Variants in R3HCC1L observed in about 807,000 individuals in gnomAD.
R3HCC1L encodes R3H domain and coiled-coil containing 1 like, also known as coiled-coil domain-containing protein R3HCC1L.
Under a neutral mutation model 59.9 loss-of-function variants are expected in R3HCC1L, and 51 were observed. The observed-to-expected ratio is 0.85, with a 90% CI of 0.68 to 1.07. The LOEUF (loss-of-function observed/expected upper bound fraction) is 1.07. R3HCC1L is among the 50% of genes least tolerant of loss of function. R3HCC1L has a pLI of 0.00. For missense variants in R3HCC1L, 965 were observed against 933.0 expected, an observed-to-expected ratio of 1.03 and a Z score of -0.45; for synonymous variants, 322 against 315.2, an observed-to-expected ratio of 1.02 and a Z score of -0.23.
chr10:98,150,804 T>TC (rs1292023796), intron 1 of R3HCC1L, among the ~76,000 whole-genome samples: 1 of 152,086 alleles, frequency 6.6e-6, no homozygotes, highest in Non-Finnish European at 1.5e-5. Flanking sequence ...GGAACAGTAG[T>TC]CCCCCCTCCC....
chr10:98,213,075 A>G (rs371389075), intron 5 of R3HCC1L, among the ~76,000 whole-genome samples: 9 of 152,248 alleles, frequency 5.9e-5, no homozygotes, highest in Admixed American at 2.6e-4. Flanking sequence ...TTTTGCAAAA[A>G]TGGTGTCCAT....
intron 9 of R3HCC1L, among the ~76,000 whole-genome samples, chr10:98,240,957 G>T (rs1278011150): frequency 6.6e-6 from 1 of 152,094 alleles, no homozygotes; most frequent in African/African-American, 2.4e-5. Context: ...ACCAGCTGTT[G>T]CTAAAATAAA....
chr10:98,159,827 C>T (rs1847227826), intron 2 of R3HCC1L, among the ~76,000 whole-genome samples: 1 of 152,180 alleles, frequency 6.6e-6, no homozygotes, highest in African/African-American at 2.4e-5. Flanking sequence ...GCCCTGGTTC[C>T]TTTTAATAAT....
chr10:98,227,073 G>A (rs914648522), intron 5 of R3HCC1L, among the ~76,000 whole-genome samples: 2 of 152,190 alleles, frequency 1.3e-5, no homozygotes, highest in African/African-American at 4.8e-5. Context: ...ATCCTAAGCA[G>A]AGTGGAACTA....
Position 98,163,361 on chromosome 10 carries a change from G to A in R3HCC1L, c.-51G>A, listed in dbSNP as rs1847631929. 7.5e-7 allele frequency: 1 copy of A among 1,333,462 alleles called. No homozygotes were observed. The highest frequency in any genetic ancestry group is 1.5e-5 in the African/African-American group (1 of 67,442). The allele number at this position is 1,333,462 out of a possible 1,614,324, so 82.6% of individuals were successfully genotyped here. A position where few individuals can be genotyped will look rare whatever the true frequency, so the allele number is the denominator to read the frequency against. Reference sequence around the variant, plus strand: ...AGAGACAGTCTATCGGCATGTTGTAGAGTTTTATTACTAAGAAAATAAATG... The same window carrying A: ...AGAGACAGTCTATCGGCATGTTGTAAAGTTTTATTACTAAGAAAATAAATG... On this transcript the variant is annotated 5_prime_UTR_variant, in exon 4 of 10. The change abolishes the stop of an existing upstream ORF in the 5' untranslated region. Coordinates refer to ENST00000298999, the MANE Select transcript of R3HCC1L (RefSeq NM_001351015.2).
chr10:98,230,980 T>G, intron 5 of R3HCC1L: 2 of 398,422 alleles, frequency 5.0e-6, no homozygotes, highest in African/African-American at 4.2e-5. Context: ...ACCACTTAAT[T>G]TGTCTTAACA....
At chr10:98,148,361 A>G (rs1845855113) in intron 1 of R3HCC1L, among the ~76,000 whole-genome samples, 1 of 152,202 alleles carries the variant, frequency 6.6e-6, no homozygotes, top group Non-Finnish European at 1.5e-5. Context: ...CTCCTTTCCA[A>G]TTTGGTGCCC....
chr10:98,164,022 C>G (rs2134220781), intron 4 of R3HCC1L, among the ~76,000 whole-genome samples: 1 of 152,108 alleles, frequency 6.6e-6, no homozygotes, highest in Non-Finnish European at 1.5e-5. Context: ...TAATGATGAT[C>G]TTTTGAGTAT....
intron 9 of R3HCC1L, among the ~76,000 whole-genome samples, chr10:98,239,103 C>A (rs1477520252): frequency 1.3e-5 from 2 of 152,166 alleles, no homozygotes; most frequent in African/African-American, 2.4e-5. Flanking sequence ...CGAAAGTACT[C>A]CTCAGCCTAC....
At chr10:98,135,040 C>T (rs2133774401) in intron 1 of R3HCC1L, among the ~76,000 whole-genome samples, 1 of 152,302 alleles carries the variant, frequency 6.6e-6, no homozygotes, top group South Asian at 2.1e-4. Context: ...GAGCGGGGTC[C>T]CTGGTTACCC....
At chr10:98,183,811 C>T (rs10883050) in intron 4 of R3HCC1L, among the ~76,000 whole-genome samples, 39,589 of 152,058 alleles carry the variant, frequency 0.26, 6,111 homozygotes, top group South Asian at 0.42. Flanking sequence ...CATCCCTCTG[C>T]TTAAATTACA....
intron 4 of R3HCC1L, among the ~76,000 whole-genome samples, chr10:98,207,590 A>G (rs1034239561): frequency 2.6e-5 from 4 of 152,192 alleles, no homozygotes; most frequent in African/African-American, 9.6e-5. Context: ...CAAAAGCAGC[A>G]TCTTCTAGAA....
In R3HCC1L at chr10:98,157,005, A is replaced by G. The variant is rs78693455; in HGVS notation, c.-213+858A>G. Reference sequence around the variant, plus strand: ...AAATATTTTTGGTTTCTATTTTCACATTTGATTAATATAGTTTGGGTAAGT... The same window carrying G: ...AAATATTTTTGGTTTCTATTTTCACGTTTGATTAATATAGTTTGGGTAAGT... On this transcript the variant is annotated intron_variant, in intron 2 of 9. Coordinates refer to ENST00000298999, the MANE Select transcript of R3HCC1L (RefSeq NM_001351015.2). Among the ~76,000 whole-genome samples, 1,470 of 152,252 alleles carry G rather than the reference A, an allele frequency of 9.7e-3. 47 individuals are homozygous for G. Among genetic ancestry groups the G allele is most frequent in the East Asian group, 0.062 (324 of 5,186 alleles).
chr10:98,209,997 A>C, intron 5 of R3HCC1L, 98 bp downstream of exon 5: 1 of 949,272 alleles, frequency 1.1e-6, no homozygotes, highest in Non-Finnish European at 1.6e-6. Flanking sequence ...CTGATATTTA[A>C]GAGTTCCTGC....
intron 6 of R3HCC1L, among the ~76,000 whole-genome samples, chr10:98,233,738 A>T (rs1398894420): frequency 6.6e-6 from 1 of 152,156 alleles, no homozygotes; most frequent in African/African-American, 2.4e-5. Flanking sequence ...TTTTTCTAGT[A>T]CTTAAATGTT....
chr10:98,142,168 C>T (rs1413252961), intron 1 of R3HCC1L, among the ~76,000 whole-genome samples: 1 of 152,102 alleles, frequency 6.6e-6, no homozygotes, highest in Admixed American at 6.5e-5. Context: ...ACTGAATTTG[C>T]AAGTTGGTCA....
chr10:98,232,833 CTT>C (rs1856539016), intron 6 of R3HCC1L, among the ~76,000 whole-genome samples: 1 of 152,088 alleles, frequency 6.6e-6, no homozygotes. Flanking sequence ...TAAACTAAAA[CTT>C]TATTTATAAA....
chr10:98,138,903 G>A (rs1230834130), intron 1 of R3HCC1L, among the ~76,000 whole-genome samples: 1 of 152,172 alleles, frequency 6.6e-6, no homozygotes, highest in Non-Finnish European at 1.5e-5. Context: ...TTCGAATGAG[G>A]CACATATTAG....
intron 6 of R3HCC1L, among the ~76,000 whole-genome samples, chr10:98,233,404 T>C (rs1856597232): frequency 6.6e-6 from 1 of 152,182 alleles, no homozygotes; most frequent in Non-Finnish European, 1.5e-5. Flanking sequence ...ATATTAATAT[T>C]GATGAACATT....
Sources: gnomAD v4.1 joint callset for allele counts (sites outside exome capture counted in the v4.1 genomes callset) on GRCh38, gnomAD v4.1.1 for gene constraint, MANE v1.5 for transcripts, NCBI Gene and HGNC (gene_info 2026-07-23, HGNC 2026-07-21) for gene names.